The following ROBO2 variants were observed in gnomAD, a reference collection of about 807,000 sequenced individuals.
ROBO2 encodes the protein roundabout homolog 2.
In ROBO2, 53 loss-of-function variants were observed where a neutral mutation model predicts 160.8. The ratio of observed to expected loss-of-function variants is 0.33; its 90% CI spans 0.26 to 0.41. The LOEUF is 0.41. Ranked by LOEUF, ROBO2 falls within the 10% of genes least tolerant of loss-of-function variation. ROBO2 has a pLI of 1.00. For missense variants in ROBO2, 1,577 were observed against 1,722.4 expected (o/e 0.92, Z 1.49); for synonymous variants, 664 against 611.7 (o/e 1.09, Z -1.26).
chr3:76,963,528 C>T (rs1358760268), intron 2 of ROBO2, among the ~76,000 whole-genome samples: 1 of 152,016 alleles, frequency 6.6e-6, no homozygotes, highest in South Asian at 2.1e-4. Context: ...AGAACTGTTT[C>T]TATTCAGATA....
intron 2 of ROBO2, among the ~76,000 whole-genome samples, chr3:76,065,730 A>ATATATATAT (rs753797432): frequency 1.2e-4 from 16 of 136,994 alleles, no homozygotes; most frequent in African/African-American, 4.8e-4. Context: ...ATGCATATTT[A>ATATATATAT]AACTAAATAT....
chr3:76,664,773 G>T (rs2091959783), intron 2 of ROBO2, among the ~76,000 whole-genome samples: 1 of 152,098 alleles, frequency 6.6e-6, no homozygotes, highest in Non-Finnish European at 1.5e-5. Flanking sequence ...TATATATTTA[G>T]GTAGTTGAGT....
intron 2 of ROBO2, among the ~76,000 whole-genome samples, chr3:77,179,648 A>G (rs78681658): frequency 0.016 from 2,368 of 152,258 alleles, 54 homozygotes; most frequent in Admixed American, 0.045. Context: ...TTCTTTTGCT[A>G]TCTATGTCCC....
chr3:76,908,063 C>T (rs573452979), intron 2 of ROBO2, among the ~76,000 whole-genome samples: 3 of 152,224 alleles, frequency 2.0e-5, no homozygotes, highest in South Asian at 4.2e-4. Flanking sequence ...TGGTCTCAAA[C>T]TCCTGACCTC....
chr3:76,856,087 A>G (rs1559608222), intron 2 of ROBO2, among the ~76,000 whole-genome samples: 1 of 152,208 alleles, frequency 6.6e-6, no homozygotes, highest in African/African-American at 2.4e-5. Context: ...TGAGCAGATA[A>G]CATAAGCTTG....
intron 2 of ROBO2, among the ~76,000 whole-genome samples, chr3:76,372,990 G>A (rs1439424541): frequency 1.3e-5 from 2 of 151,900 alleles, no homozygotes; most frequent in Non-Finnish European, 2.9e-5. Flanking sequence ...AAGAATAAGC[G>A]AATTAAATCC....
chr3:76,787,341 C>CAG (rs2063055777), intron 2 of ROBO2, among the ~76,000 whole-genome samples: 1 of 149,118 alleles, frequency 6.7e-6, no homozygotes, highest in Non-Finnish European at 1.5e-5. Flanking sequence ...CACACACACA[C>CAG]ACACACACAC....
intron 2 of ROBO2, among the ~76,000 whole-genome samples, chr3:77,360,258 C>G (rs1053952917): frequency 2.0e-5 from 3 of 150,968 alleles, no homozygotes; most frequent in Non-Finnish European, 4.4e-5. Context: ...TGCAACCCCC[C>G]CCCCAAATTT....
intron 2 of ROBO2, among the ~76,000 whole-genome samples, chr3:77,273,117 C>T (rs1160027967): frequency 6.6e-6 from 1 of 151,998 alleles, no homozygotes; most frequent in Non-Finnish European, 1.5e-5. Flanking sequence ...CTTCCTTTTT[C>T]CCCCGTCTAG....
chr3:77,336,672 C>A (rs1025798402), intron 2 of ROBO2, among the ~76,000 whole-genome samples: 2 of 152,118 alleles, frequency 1.3e-5, no homozygotes, highest in African/African-American at 4.8e-5. Context: ...AAGAAAGTAG[C>A]TGATAAAAGC....
At chr3:77,533,167 C>A (rs1418503944) in intron 6 of ROBO2, among the ~76,000 whole-genome samples, 3 of 152,048 alleles carry the variant, frequency 2.0e-5, no homozygotes, top group Non-Finnish European at 2.9e-5. Flanking sequence ...TAAAAACATA[C>A]TATGTTCTTC....
intron 2 of ROBO2, among the ~76,000 whole-genome samples, chr3:77,108,432 G>A (rs539439793): frequency 6.6e-6 from 1 of 152,008 alleles, no homozygotes; most frequent in African/African-American, 2.4e-5. Context: ...CCCCTACCTT[G>A]GCCTCACGAA....
intron 7 of ROBO2, among the ~76,000 whole-genome samples, chr3:77,550,517 AAAGATATT>A (rs2092879543): frequency 6.6e-6 from 1 of 152,050 alleles, no homozygotes; most frequent in Non-Finnish European, 1.5e-5. Flanking sequence ...AAAAAGCTTC[AAAGATATT>A]AAGTAACTAG....
chr3:77,295,997 T>C (rs1260233429), intron 2 of ROBO2, among the ~76,000 whole-genome samples: 1 of 147,912 alleles, frequency 6.8e-6, no homozygotes, highest in Non-Finnish European at 1.5e-5. Flanking sequence ...AAATTGATGG[T>C]TAAACGGGAA....
intron 2 of ROBO2, among the ~76,000 whole-genome samples, chr3:77,358,462 A>G (rs2153464473): frequency 6.6e-6 from 1 of 152,350 alleles, no homozygotes; most frequent in Admixed American, 6.5e-5. Context: ...TGAGCTACTG[A>G]GAATTAGGAC....
chr3:76,424,323 T>C (rs2076121296), intron 2 of ROBO2, among the ~76,000 whole-genome samples: 1 of 152,212 alleles, frequency 6.6e-6, no homozygotes, highest in Non-Finnish European at 1.5e-5. Context: ...ATTAACAATG[T>C]TTATACATCA....
chr3:76,952,346 G>T (rs1446264836), intron 2 of ROBO2, among the ~76,000 whole-genome samples: 1 of 151,858 alleles, frequency 6.6e-6, no homozygotes, highest in Non-Finnish European at 1.5e-5. Context: ...GCAATGGCAC[G>T]ATCTTGGCTC....
chr3:77,615,056 T>A (rs1292344963), intron 21 of ROBO2, among the ~76,000 whole-genome samples: 1 of 152,218 alleles, frequency 6.6e-6, no homozygotes, highest in Non-Finnish European at 1.5e-5. Flanking sequence ...TGCTTTCTAC[T>A]TTTATGGCAT....
intron 2 of ROBO2, among the ~76,000 whole-genome samples, chr3:76,542,875 A>C (rs1333992903): frequency 6.6e-6 from 1 of 152,136 alleles, no homozygotes; most frequent in Non-Finnish European, 1.5e-5. Context: ...AATTCTAACT[A>C]TACTTGACTT....
Sources: allele counts gnomAD v4.1 joint callset (sites outside exome capture counted in the v4.1 genomes callset), GRCh38; gene constraint gnomAD v4.1.1; transcripts MANE v1.5; gene names NCBI Gene and HGNC (gene_info 2026-07-23, HGNC 2026-07-21).